The following RBFOX3 variants were observed in gnomAD, a reference collection of about 807,000 sequenced individuals.
The protein encoded by RBFOX3 is RNA binding fox-1 homolog 3, also known as RNA binding protein fox-1 homolog 3.
Under a neutral mutation model 48.7 loss-of-function variants are expected in RBFOX3, and 17 were observed. The ratio of observed to expected loss-of-function variants is 0.35; its 90% CI spans 0.24 to 0.52. RBFOX3 has a LOEUF of 0.52. Ranked by LOEUF, RBFOX3 falls within the 20% of genes least tolerant of loss-of-function variation. The pLI, the probability that RBFOX3 is intolerant of heterozygous loss-of-function variation, is 0.94. For synonymous variants in RBFOX3, 212 were observed against 209.5 expected, an observed-to-expected ratio of 1.01 and a Z score of -0.10; for missense variants, 382 against 497.5, an observed-to-expected ratio of 0.77 and a Z score of 2.21.
chr17:79,196,082 C>T (rs2169186), intron 4 of RBFOX3, among the ~76,000 whole-genome samples: 15,337 of 152,158 alleles, frequency 0.1, 799 homozygotes, highest in Middle Eastern at 0.13. Flanking sequence ...CTTCCCATCT[C>T]GTTGGATGGA....
rs189513986 is a variant in RBFOX3 at position 79,130,252 on chromosome 17, C to G, written c.-33-14504G>C. Among the ~76,000 whole-genome samples, 29 of 152,294 alleles carry G rather than the reference C, an allele frequency of 1.9e-4. 1 individual carries two copies. The highest frequency in any genetic ancestry group is 4.8e-4 in the African/African-American group (20 of 41,556). On this transcript the variant is annotated intron_variant, in intron 4 of 14. Coordinates refer to ENST00000693108, the MANE Select transcript of RBFOX3 (RefSeq NM_001350451.2). ...CACCGGCTCTCAGGTCCCCTTCCCCCCCGACTTCTCCACGAAGACTTCCTG... is the reference window on the plus strand; with the variant it reads ...CACCGGCTCTCAGGTCCCCTTCCCCGCCGACTTCTCCACGAAGACTTCCTG...
At chr17:79,208,931 T>G (rs977504992) in intron 4 of RBFOX3, among the ~76,000 whole-genome samples, 4 of 152,140 alleles carry the variant, frequency 2.6e-5, no homozygotes, top group African/African-American at 9.7e-5. Flanking sequence ...TTCTCCTGCC[T>G]CAGCCTCCCA....
intron 4 of RBFOX3, among the ~76,000 whole-genome samples, chr17:79,131,238 T>C (rs1186058120): frequency 6.6e-6 from 1 of 152,150 alleles, no homozygotes; most frequent in Non-Finnish European, 1.5e-5. Context: ...GTGTACTGTG[T>C]GCTCTGTGCC....
At chr17:79,400,628 C>G (rs1403791087) in intron 2 of RBFOX3, among the ~76,000 whole-genome samples, 2 of 59,566 alleles carry the variant, frequency 3.4e-5, no homozygotes, top group African/African-American at 1.1e-4. Context: ...GTGTGACCCG[C>G]GAATTAACCA....
At chr17:79,319,103 A>T (rs1449756220) in intron 2 of RBFOX3, among the ~76,000 whole-genome samples, 1 of 151,990 alleles carries the variant, frequency 6.6e-6, no homozygotes, top group Non-Finnish European at 1.5e-5. Flanking sequence ...CCAGCACCGG[A>T]TGTGGCTTTC....
intron 2 of RBFOX3, among the ~76,000 whole-genome samples, chr17:79,324,595 C>CTG (rs1200115123): frequency 6.6e-6 from 1 of 152,190 alleles, no homozygotes; most frequent in Non-Finnish European, 1.5e-5. Context: ...GAAGATGAAT[C>CTG]TGCAGGTGGC....
chr17:79,430,451 C>G (rs1336595572), intron 2 of RBFOX3, among the ~76,000 whole-genome samples: 1 of 152,168 alleles, frequency 6.6e-6, no homozygotes, highest in Admixed American at 6.5e-5. Context: ...TTAGGAGTCT[C>G]TTAATCAGAA....
At position 79,268,560 on chromosome 17, in the gene RBFOX3, A is replaced by C. The variant is rs180952535; in HGVS notation, c.-73-32755T>G. On this transcript the variant is annotated intron_variant, in intron 3 of 14. Coordinates refer to ENST00000693108, the MANE Select transcript of RBFOX3 (RefSeq NM_001350451.2). ...CCCAGGCCAGTCCTCTGCCATCTTC[A>C]TGGGAAAAGGAAGCTGATCTTCTCC... Among the ~76,000 whole-genome samples, 39 of 152,154 alleles carry C rather than the reference A, an allele frequency of 2.6e-4. No individual in the cohort carries two copies. In the East Asian group the frequency reaches 7.2e-3, roughly 28 times the overall value.
rs1231600861 is a variant in RBFOX3 at position 79,517,444 on chromosome 17, C to CAAAAA, written c.-319-34851_-319-34847dup. Among the ~76,000 whole-genome samples, 205 of 94,904 alleles carry CAAAAA rather than the reference C, an allele frequency of 2.2e-3. 2 individuals are homozygous for CAAAAA. Among genetic ancestry groups the CAAAAA allele is most frequent in the African/African-American group, 7.8e-3 (189 of 24,260 alleles). The allele number at this position is 94,904 out of a possible 152,430, so 62.3% of individuals were successfully genotyped here. On this transcript the variant is annotated intron_variant, in intron 1 of 14. Coordinates refer to ENST00000693108, the MANE Select transcript of RBFOX3 (RefSeq NM_001350451.2). ...TGGACTATACAGTGAGAGTCTGTCT[C>CAAAAA]AAAAAAAAAAAAAAAAACAAACAAA...
chr17:79,207,380 T>C (rs1329969315), intron 4 of RBFOX3, among the ~76,000 whole-genome samples: 3 of 152,242 alleles, frequency 2.0e-5, no homozygotes, highest in African/African-American at 7.2e-5. Context: ...GTCCCTCGAT[T>C]AGCCACCTGC....
chr17:79,244,619 C>T (rs985456746), intron 3 of RBFOX3, among the ~76,000 whole-genome samples: 8 of 152,098 alleles, frequency 5.3e-5, no homozygotes, highest in Non-Finnish European at 8.8e-5. Context: ...CCTTTCTTCA[C>T]GGTCATTGCT....
chr17:79,332,931 TAGAC>T (rs528392020), intron 2 of RBFOX3, among the ~76,000 whole-genome samples: 130 of 7,466 alleles, frequency 0.017, 1 homozygote, highest in African/African-American at 0.075. Flanking sequence ...GAAAGACAGA[TAGAC>T]AGACACAGAG....
chr17:79,312,488 G>T (rs187072408), intron 2 of RBFOX3, among the ~76,000 whole-genome samples: 1 of 152,202 alleles, frequency 6.6e-6, no homozygotes, highest in East Asian at 1.9e-4. Flanking sequence ...AGTCTGCCAG[G>T]CGCTGTCCTG....
intron 4 of RBFOX3, among the ~76,000 whole-genome samples, chr17:79,168,506 G>A (rs750103429): frequency 3.3e-5 from 5 of 152,246 alleles, no homozygotes; most frequent in Non-Finnish European, 5.9e-5. Flanking sequence ...TGGCCCCACG[G>A]CCGCCCTATG....
At chr17:79,521,798 C>T (rs1345581469) in intron 1 of RBFOX3, among the ~76,000 whole-genome samples, 1 of 152,220 alleles carries the variant, frequency 6.6e-6, no homozygotes, top group Non-Finnish European at 1.5e-5. Context: ...CACAAAAACA[C>T]ACAGTCACAC....
At chr17:79,642,478 T>C in the RBFOX3 span, among the ~76,000 whole-genome samples, 120 of 152,318 alleles carry the variant, frequency 7.9e-4, 2 homozygotes, top group South Asian at 0.024. Context: ...ACCTTAAATA[T>C]ATACAATTTT....
chr17:79,537,269 CACTTG>C (rs1374519920), intron 1 of RBFOX3, among the ~76,000 whole-genome samples: 2 of 152,192 alleles, frequency 1.3e-5, no homozygotes, highest in African/African-American at 4.8e-5. Context: ...GTGCTCAGTG[CACTTG>C]ACTTGTTGCC....
At chr17:79,452,838 A>G (rs2073785605) in intron 2 of RBFOX3, among the ~76,000 whole-genome samples, 1 of 152,204 alleles carries the variant, frequency 6.6e-6, no homozygotes, top group Non-Finnish European at 1.5e-5. Context: ...GGGGCATTGC[A>G]GGGAAGAAAC....
At chr17:79,489,032 G>GT (rs2080081923) in intron 1 of RBFOX3, among the ~76,000 whole-genome samples, 3 of 152,114 alleles carry the variant, frequency 2.0e-5, no homozygotes, top group African/African-American at 4.8e-5. Context: ...GTTTTGTTTT[G>GT]TTTTTTAACA....
Sources: gnomAD v4.1 joint callset for allele counts (sites outside exome capture counted in the v4.1 genomes callset) on GRCh38, gnomAD v4.1.1 for gene constraint, MANE v1.5 for transcripts, NCBI Gene and HGNC (gene_info 2026-07-23, HGNC 2026-07-21) for gene names.